Variants in DEPTOR observed in about 807,000 individuals in gnomAD.
The protein encoded by DEPTOR is DEP domain containing MTOR interacting protein, also known as DEP domain-containing mTOR-interacting protein.
In DEPTOR, 41 loss-of-function variants were observed where a neutral mutation model predicts 41.6. That is an observed-to-expected ratio of 0.98 (90% CI 0.77 to 1.28). DEPTOR has a LOEUF of 1.28. DEPTOR is among the 50% of genes most tolerant of loss of function. DEPTOR has a pLI of 0.00. For synonymous variants in DEPTOR, 195 were observed against 192.3 expected, an observed-to-expected ratio of 1.01 and a Z score of -0.12; for missense variants, 514 against 527.9, an observed-to-expected ratio of 0.97 and a Z score of 0.26.
At chr8:119,977,700 A>T (rs1481119870) in intron 4 of DEPTOR, among the ~76,000 whole-genome samples, 1 of 152,224 alleles carries the variant, frequency 6.6e-6, no homozygotes, top group Non-Finnish European at 1.5e-5. Flanking sequence ...TTAAAGGAAA[A>T]TGTACCTATA....
intron 4 of DEPTOR, among the ~76,000 whole-genome samples, chr8:119,988,639 T>G (rs527691070): frequency 2.3e-4 from 35 of 152,118 alleles, no homozygotes; most frequent in Non-Finnish European, 4.0e-4. Context: ...TGTACCACCA[T>G]GCCTGGCTAA....
At position 119,921,767 on chromosome 8, in the gene DEPTOR, TG is replaced by T. The variant is rs1290198691; in HGVS notation, c.123-6632del. ...TCTGTAGTTTTTTTTTTTGTTTGTT[TG>T]TTTGTTTTTTGAAACAGGGTCTTGC... On this transcript the variant is annotated intron_variant, in intron 1 of 8. Transcript: ENST00000286234. Among the ~76,000 whole-genome samples the T allele has an allele frequency of 2.6e-4, 38 of 145,262 alleles. 1 individual carries two copies. Among genetic ancestry groups the T allele is most frequent in the Admixed American group, 4.1e-4 (6 of 14,804 alleles).
intron 8 of DEPTOR, among the ~76,000 whole-genome samples, chr8:120,030,497 G>GTTTTTTTTTTTTTC (rs1812871511): frequency 2.2e-5 from 1 of 46,192 alleles, no homozygotes; most frequent in African/African-American, 8.9e-5. Context: ...AGGTTCATCA[G>GTTTTTTTTTTTTTC]TTTTTTTTTT....
At chr8:120,018,484 C>T (rs915988083) in intron 8 of DEPTOR, among the ~76,000 whole-genome samples, 1 of 152,134 alleles carries the variant, frequency 6.6e-6, no homozygotes, top group African/African-American at 2.4e-5. Context: ...GAGGCTGAGG[C>T]AGGAGAATTG....
At chr8:119,948,710 C>T (rs1828313836) in intron 3 of DEPTOR, among the ~76,000 whole-genome samples, 1 of 152,122 alleles carries the variant, frequency 6.6e-6, no homozygotes, top group African/African-American at 2.4e-5. Flanking sequence ...CCTATGCCTT[C>T]ATCTACCCCC....
intron 8 of DEPTOR, among the ~76,000 whole-genome samples, chr8:120,034,443 C>CTTTTTTTTTTTTTT (rs148465030): frequency 4.4e-5 from 4 of 91,560 alleles, no homozygotes; most frequent in African/African-American, 1.4e-4. Context: ...TTTCCTTTTT[C>CTTTTTTTTTTTTTT]TTTTTTTTTT....
intron 3 of DEPTOR, among the ~76,000 whole-genome samples, chr8:119,954,699 G>A (rs1174110022): frequency 2.0e-5 from 3 of 152,054 alleles, no homozygotes; most frequent in Non-Finnish European, 4.4e-5. Context: ...GCCCCTAAAT[G>A]TAGTAGTTCC....
intron 3 of DEPTOR, among the ~76,000 whole-genome samples, chr8:119,963,585 A>C (rs545242597): frequency 1.3e-5 from 2 of 152,286 alleles, no homozygotes; most frequent in East Asian, 3.9e-4. Flanking sequence ...CCCTGACCTC[A>C]AGTGATCCAC....
At chr8:119,984,480 C>T (rs370395183) in intron 4 of DEPTOR, among the ~76,000 whole-genome samples, 40 of 152,202 alleles carry the variant, frequency 2.6e-4, no homozygotes, top group African/African-American at 7.2e-4. Flanking sequence ...CATGTGTTCT[C>T]GTTGTTCAGC....
chr8:119,958,291 C>A (rs1586632589), intron 3 of DEPTOR, among the ~76,000 whole-genome samples: 2 of 152,124 alleles, frequency 1.3e-5, no homozygotes, highest in African/African-American at 4.8e-5. Flanking sequence ...ACAACCTGGT[C>A]CTCCTCCTGT....
chr8:119,909,308 C>T (rs1431813006), intron 1 of DEPTOR, among the ~76,000 whole-genome samples: 2 of 152,138 alleles, frequency 1.3e-5, no homozygotes, highest in East Asian at 1.9e-4. Flanking sequence ...CAGGAGAATG[C>T]GACAGATAAC....
chr8:119,890,146 G>T (rs1827433401), intron 1 of DEPTOR, among the ~76,000 whole-genome samples: 1 of 152,058 alleles, frequency 6.6e-6, no homozygotes, highest in South Asian at 2.1e-4. Context: ...TGTATTTCGG[G>T]TCAAGACAAG....
chr8:119,887,076 G>T (rs1012980021), intron 1 of DEPTOR, among the ~76,000 whole-genome samples: 3 of 143,902 alleles, frequency 2.1e-5, no homozygotes, highest in South Asian at 2.2e-4. Flanking sequence ...ATGGAGAAAT[G>T]GTTATGTGTT....
At chr8:119,979,888 T>TC (rs1828741230) in intron 4 of DEPTOR, among the ~76,000 whole-genome samples, 1 of 152,116 alleles carries the variant, frequency 6.6e-6, no homozygotes, top group Non-Finnish European at 1.5e-5. Context: ...AAAATGTGCT[T>TC]CCTCATCAAA....
At chr8:119,963,280 G>A (rs1167538515) in intron 3 of DEPTOR, among the ~76,000 whole-genome samples, 4 of 152,050 alleles carry the variant, frequency 2.6e-5, no homozygotes, top group African/African-American at 4.8e-5. Context: ...AGGGCAGGTC[G>A]AAAACCAATA....
At chr8:120,000,741 G>A (rs1812333870) in intron 4 of DEPTOR, among the ~76,000 whole-genome samples, 1 of 151,606 alleles carries the variant, frequency 6.6e-6, no homozygotes, top group East Asian at 2.0e-4. Flanking sequence ...GGGATTACAA[G>A]CTTGAGCCAC....
intron 1 of DEPTOR, among the ~76,000 whole-genome samples, chr8:119,904,535 C>T (rs189159973): frequency 2.6e-4 from 40 of 152,178 alleles, no homozygotes; most frequent in Middle Eastern, 3.4e-3. Context: ...CACTCTGTCA[C>T]GCAGGCTGCA....
intron 3 of DEPTOR, among the ~76,000 whole-genome samples, chr8:119,961,829 G>A (rs1586634174): frequency 6.6e-6 from 1 of 152,132 alleles, no homozygotes; most frequent in Non-Finnish European, 1.5e-5. Context: ...GGAAATGAAA[G>A]TTTTTAAAAG....
In DEPTOR at chr8:119,937,325, G is replaced by A. The variant is rs1471505817; in HGVS notation, c.425+7387G>A. 6.6e-5 allele frequency among the ~76,000 whole-genome samples: 10 copies of A among 152,086 alleles called. No individual in the cohort carries two copies. In the East Asian group the frequency reaches 1.4e-3, roughly 21 times the overall value. On this transcript the variant is annotated intron_variant, in intron 3 of 8. Coordinates refer to ENST00000286234, the MANE Select transcript of DEPTOR (RefSeq NM_022783.4). ...TGAGGCAGGAGAATCGCTTGAACCC[G>A]GGAGGCAGAGTTGCAGTGACCCATG...
Sources: allele counts gnomAD v4.1 joint callset (sites outside exome capture counted in the v4.1 genomes callset), GRCh38; gene constraint gnomAD v4.1.1; transcripts MANE v1.5; gene names NCBI Gene and HGNC (gene_info 2026-07-23, HGNC 2026-07-21).